Variants in C4orf51 observed in about 807,000 individuals in gnomAD.
The protein encoded by C4orf51 is uncharacterized protein C4orf51.
A neutral mutation model predicts 25.2 loss-of-function variants in C4orf51; 25 were observed. The ratio of observed to expected loss-of-function variants is 0.99; its 90% CI spans 0.72 to 1.39. The LOEUF is 1.39. C4orf51 is among the 40% of genes most tolerant of loss of function. C4orf51 has a pLI of 0.00. For missense variants in C4orf51, 252 were observed against 239.6 expected (o/e 1.05, Z -0.34); for synonymous variants, 100 against 84.5 (o/e 1.18, Z -1.01).
chr4:145,732,963 C>T (rs1423218138), downstream of C4orf51, among the ~76,000 whole-genome samples: 1 of 152,160 alleles, frequency 6.6e-6, no homozygotes, highest in African/African-American at 2.4e-5. Context: ...CCAGCAGAGC[C>T]GGAGCCTTCC....
intron 2 of C4orf51, among the ~76,000 whole-genome samples, chr4:145,718,788 G>A (rs28550775): frequency 4.6e-5 from 7 of 152,002 alleles, no homozygotes; most frequent in East Asian, 1.9e-4. Flanking sequence ...TAATGTATTC[G>A]TTCAGCAACT....
At chr4:145,701,923 T>A (rs1454536633) in intron 2 of C4orf51, among the ~76,000 whole-genome samples, 1 of 152,056 alleles carries the variant, frequency 6.6e-6, no homozygotes, top group Non-Finnish European at 1.5e-5. Context: ...ATTGCTACCC[T>A]TCTCCCCAAC....
At chr4:145,729,513 G>A (rs571850607) in intron 4 of C4orf51, among the ~76,000 whole-genome samples, 43 of 152,166 alleles carry the variant, frequency 2.8e-4, no homozygotes, top group South Asian at 1.2e-3. Context: ...GTGTTAGCCA[G>A]GATGGTCTCG....
intron 1 of C4orf51, among the ~76,000 whole-genome samples, chr4:145,739,090 G>A (rs535384277): frequency 9.2e-5 from 14 of 152,282 alleles, no homozygotes; most frequent in Non-Finnish European, 1.6e-4. Flanking sequence ...ATGCTCTAAA[G>A]TCTTGCTGTT....
chr4:145,720,894 T>A (rs1366702262), intron 2 of C4orf51, among the ~76,000 whole-genome samples: 5 of 152,112 alleles, frequency 3.3e-5, no homozygotes, highest in Non-Finnish European at 7.4e-5. Context: ...CTGCCCAAGG[T>A]TTGCAACAAA....
chr4:145,749,321 G>C (rs2086793045), intron 1 of C4orf51, among the ~76,000 whole-genome samples: 1 of 151,842 alleles, frequency 6.6e-6, no homozygotes, highest in African/African-American at 2.4e-5. Flanking sequence ...ACAGATCATT[G>C]GGTCTTGTTT....
intron 1 of C4orf51, among the ~76,000 whole-genome samples, chr4:145,685,528 A>G (rs1394961409): frequency 6.6e-6 from 1 of 152,178 alleles, no homozygotes; most frequent in Admixed American, 6.5e-5. Context: ...GTCGTGCTCA[A>G]TTGAGCAAGC....
At chr4:145,692,273 G>A (rs1008126334) in intron 1 of C4orf51, among the ~76,000 whole-genome samples, 2 of 152,198 alleles carry the variant, frequency 1.3e-5, no homozygotes, top group Non-Finnish European at 2.9e-5. Context: ...GTTCCACTCA[G>A]TAATCTCACA....
chr4:145,790,968 T>A, the C4orf51 span, among the ~76,000 whole-genome samples: 1 of 152,258 alleles, frequency 6.6e-6, no homozygotes, highest in African/African-American at 2.4e-5. Context: ...CCAGAAATCC[T>A]ACCTATTTGA....
downstream of C4orf51, among the ~76,000 whole-genome samples, chr4:145,734,064 AGCTTTAC>A (rs1338707612): frequency 6.6e-6 from 1 of 152,262 alleles, no homozygotes; most frequent in Admixed American, 6.5e-5. Flanking sequence ...GAAGGCTAAC[AGCTTTAC>A]AGATAGGTTG....
At chr4:145,708,963 G>T (rs1432036543) in intron 2 of C4orf51, among the ~76,000 whole-genome samples, 1 of 152,184 alleles carries the variant, frequency 6.6e-6, no homozygotes, top group African/African-American at 2.4e-5. Flanking sequence ...TGACCTTGAA[G>T]TTCTTGATGC....
intron 1 of C4orf51, among the ~76,000 whole-genome samples, chr4:145,748,030 C>A (rs1733463588): frequency 1.3e-5 from 2 of 151,916 alleles, no homozygotes; most frequent in African/African-American, 2.4e-5. Flanking sequence ...CTTTTTATTA[C>A]CACTTTGATC....
the C4orf51 span, among the ~76,000 whole-genome samples, chr4:145,781,213 A>AAAAG: frequency 7.8e-6 from 1 of 127,464 alleles, no homozygotes; most frequent in South Asian, 2.4e-4. Flanking sequence ...AAAAAAAAAA[A>AAAAG]AAAAGAAAAA....
At chr4:145,682,543 A>G (rs1487592249) in intron 1 of C4orf51, among the ~76,000 whole-genome samples, 1 of 152,226 alleles carries the variant, frequency 6.6e-6, no homozygotes, top group African/African-American at 2.4e-5. Context: ...GGGTTAAGTC[A>G]GGAAAGTACT....
intron 2 of C4orf51, among the ~76,000 whole-genome samples, chr4:145,711,411 T>A (rs1240383524): frequency 6.6e-6 from 1 of 152,206 alleles, no homozygotes; most frequent in Non-Finnish European, 1.5e-5. Context: ...TGTTTGGGAA[T>A]TTTTTATCTT....
intron 1 of C4orf51, among the ~76,000 whole-genome samples, chr4:145,750,361 T>C (rs1733603724): frequency 6.6e-6 from 1 of 151,780 alleles, no homozygotes; most frequent in Middle Eastern, 3.4e-3. Context: ...TCTTTATTTC[T>C]CCTTCATGTT....
chr4:145,775,370 A>T (rs1376108852), downstream of C4orf51, among the ~76,000 whole-genome samples: 1 of 152,226 alleles, frequency 6.6e-6, no homozygotes, highest in Non-Finnish European at 1.5e-5. Flanking sequence ...ACCATGGGGA[A>T]ATACGTAACG....
chr4:145,734,306 A>T (rs1732676446), downstream of C4orf51, among the ~76,000 whole-genome samples: 1 of 151,572 alleles, frequency 6.6e-6, no homozygotes. Context: ...AGTGTTCCTT[A>T]GGATTCATCC....
intron 1 of C4orf51, among the ~76,000 whole-genome samples, chr4:145,746,608 T>TA (rs1733384264): frequency 6.6e-6 from 1 of 152,204 alleles, no homozygotes. Flanking sequence ...CTGTTTTGAT[T>TA]ACTACAGCCA....
Sources: gnomAD v4.1 joint callset for allele counts (sites outside exome capture counted in the v4.1 genomes callset) on GRCh38, gnomAD v4.1.1 for gene constraint, MANE v1.5 for transcripts, NCBI Gene and HGNC (gene_info 2026-07-23, HGNC 2026-07-21) for gene names.